Variants in RTTN observed in about 807,000 individuals in gnomAD.
The protein encoded by RTTN is rotatin.
Under a neutral mutation model 269.2 loss-of-function variants are expected in RTTN, and 182 were observed. That is an observed-to-expected ratio of 0.68 (90% CI 0.60 to 0.76). The LOEUF (loss-of-function observed/expected upper bound fraction) is 0.76. RTTN is among the 30% of genes least tolerant of loss of function. The pLI is 0.00. For synonymous variants in RTTN, 1,006 were observed against 963.5 expected (o/e 1.04, Z -0.82); for missense variants, 2,545 against 2,608.6 (o/e 0.98, Z 0.53).
chr18:70,106,531 T>G (rs1055403158), intron 28 of RTTN, among the ~76,000 whole-genome samples: 26 of 152,148 alleles, frequency 1.7e-4, no homozygotes, highest in Admixed American at 9.2e-4. Flanking sequence ...TTTTTGTAGA[T>G]ATTGCCATCC....
intron 14 of RTTN, among the ~76,000 whole-genome samples, chr18:70,154,596 T>C (rs973485623): frequency 2.6e-5 from 4 of 152,204 alleles, no homozygotes; most frequent in African/African-American, 9.6e-5. Flanking sequence ...TGTAGGTTTC[T>C]AATCTTCTTA....
chr18:70,013,393 A>G (rs1296530339), intron 46 of RTTN, among the ~76,000 whole-genome samples: 1 of 147,290 alleles, frequency 6.8e-6, no homozygotes, highest in Admixed American at 6.7e-5. Flanking sequence ...ATATATACAT[A>G]TGTGTGTGTG....
chr18:70,199,747 A>G (rs908313863), intron 4 of RTTN, among the ~76,000 whole-genome samples: 1 of 152,276 alleles, frequency 6.6e-6, no homozygotes, highest in Non-Finnish European at 1.5e-5. Flanking sequence ...GAAGAAGAGC[A>G]TTAAACACAA....
At chr18:70,187,376 T>TAAAATA (rs2146069326) in intron 10 of RTTN, among the ~76,000 whole-genome samples, 1 of 151,544 alleles carries the variant, frequency 6.6e-6, no homozygotes, top group South Asian at 2.1e-4. Flanking sequence ...TTTGCAAAAA[T>TAAAATA]AAAATAAAAA....
chr18:70,037,969 G>A (rs1332171285), intron 40 of RTTN, among the ~76,000 whole-genome samples: 1 of 152,154 alleles, frequency 6.6e-6, no homozygotes, highest in African/African-American at 2.4e-5. Context: ...TGGCAGCAGC[G>A]TGGTAGAACT....
rs1599720336 is a variant in RTTN, at chr18:70,135,392, T to A, written c.2789-112A>T. The A allele has an allele frequency of 1.8e-5, 11 of 618,498 alleles. No homozygotes were observed. In the East Asian group the frequency reaches 3.7e-4, roughly 21 times the overall value. The allele number at this position is 618,498 out of a possible 1,614,324, so 38.3% of individuals were successfully genotyped here. ...AAAAGAAATGCAACATAAACCCAGA[T>A]AAGGTGACACTAAAACACAGGCTTT... On this transcript the variant is annotated intron_variant, in intron 21 of 48. Transcript: ENST00000640769.
chr18:70,058,141 T>A (rs1185523096), intron 36 of RTTN, among the ~76,000 whole-genome samples: 1 of 152,198 alleles, frequency 6.6e-6, no homozygotes, highest in African/African-American at 2.4e-5. Context: ...GGAAACTTGG[T>A]GGTTATTTTC....
chr18:70,155,547 T>C (rs2060650426), intron 14 of RTTN, among the ~76,000 whole-genome samples: 1 of 152,232 alleles, frequency 6.6e-6, no homozygotes, highest in South Asian at 2.1e-4. Flanking sequence ...AGCCCACTCT[T>C]GCAACGATCC....
intron 19 of RTTN, among the ~76,000 whole-genome samples, chr18:70,140,425 A>G (rs2060227836): frequency 6.6e-6 from 1 of 152,150 alleles, no homozygotes; most frequent in Non-Finnish European, 1.5e-5. Flanking sequence ...ACAAAACTAT[A>G]AAAAAAGAAT....
At chr18:70,149,418 C>T (rs185403132) in intron 16 of RTTN, among the ~76,000 whole-genome samples, 1 of 151,988 alleles carries the variant, frequency 6.6e-6, no homozygotes, top group Admixed American at 6.6e-5. Flanking sequence ...AGTCTCAAGG[C>T]ACAAGGCCCA....
intron 22 of RTTN, among the ~76,000 whole-genome samples, 179 bp downstream of exon 22, chr18:70,135,005 T>A (rs1052742611): frequency 3.9e-5 from 6 of 152,194 alleles, no homozygotes; most frequent in Admixed American, 6.5e-5. Context: ...TGAGATAGAC[T>A]TTCTGAGCTA....
In RTTN at chr18:70,205,125, T is replaced by A. The variant is rs1178087209; in HGVS notation, c.219+3A>T. The A allele has an allele frequency of 6.2e-7, 1 of 1,612,546 alleles. No individual in the cohort carries two copies. The highest frequency in any genetic ancestry group is 1.3e-5 in the African/African-American group (1 of 74,854). ...TATTTTCTTTATTTCAAAATGACCC[T>A]ACCTTAACCAATCTGCTTAACAGGT... is the stretch of plus-strand genomic sequence containing the variant. On this transcript the variant is annotated splice_donor_region_variant and intron_variant, in intron 2 of 48. Coordinates refer to ENST00000640769, the MANE Select transcript of RTTN (RefSeq NM_173630.4).
At chr18:70,021,765 T>C (rs1173491046) in intron 44 of RTTN, among the ~76,000 whole-genome samples, 3 of 152,142 alleles carry the variant, frequency 2.0e-5, no homozygotes, top group Non-Finnish European at 4.4e-5. Context: ...GAGTTGGGTA[T>C]CGAAATGGAC....
chr18:70,128,606 G>A, intron 23 of RTTN, 60 bp from the exon 24 acceptor site: 1 of 1,445,162 alleles, frequency 6.9e-7, no homozygotes, highest in Non-Finnish European at 9.6e-7. Flanking sequence ...TACTCAAAAA[G>A]ATGAGCCACA....
At chr18:70,124,521 G>A (rs1042150846) in intron 25 of RTTN, among the ~76,000 whole-genome samples, 8 of 152,062 alleles carry the variant, frequency 5.3e-5, no homozygotes, top group Non-Finnish European at 1.0e-4. Flanking sequence ...AGGCAGCCAA[G>A]GAGTTAACTA....
chr18:70,004,780 C>T (rs941965334), intron 48 of RTTN, among the ~76,000 whole-genome samples: 1 of 152,178 alleles, frequency 6.6e-6, no homozygotes, highest in Non-Finnish European at 1.5e-5. Context: ...AGAAAACCGT[C>T]TCTAGTATTG....
intron 46 of RTTN, chr18:70,008,908 G>C (rs952264854): frequency 1.3e-5 from 2 of 152,196 alleles, no homozygotes; most frequent in Admixed American, 1.3e-4. Flanking sequence ...AGGAAATACA[G>C]AGAACACCAC....
intron 48 of RTTN, 44 bp downstream of exon 48, chr18:70,005,154 T>G: frequency 2.1e-6 from 3 of 1,442,828 alleles, no homozygotes; most frequent in Non-Finnish European, 1.9e-6. Context: ...ATCCACTTAA[T>G]AGCTTCTGAG....
rs1404190293 is a variant in RTTN at position 70,013,722 on chromosome 18, TTAAGTA to T, written c.6421+3679_6421+3684del. On this transcript the variant is annotated intron_variant, in intron 46 of 48. Transcript: ENST00000640769. ...ATATTACCTTCTTAATACAATTGGT[TTAAGTA>T]TAAGTTTAGGGATGTCAGTTTGGTA... 1.6e-4 allele frequency among the ~76,000 whole-genome samples: 24 copies of T among 152,322 alleles called. No homozygotes were observed. In the East Asian group the frequency reaches 2.1e-3, roughly 13 times the overall value.
Sources: gnomAD v4.1 joint callset for allele counts (sites outside exome capture counted in the v4.1 genomes callset) on GRCh38, gnomAD v4.1.1 for gene constraint, MANE v1.5 for transcripts, NCBI Gene and HGNC (gene_info 2026-07-23, HGNC 2026-07-21) for gene names.